Variants in ERBB4 observed in about 807,000 individuals in gnomAD.
ERBB4 encodes erb-b2 receptor tyrosine kinase 4.
A neutral mutation model predicts 158.0 loss-of-function variants in ERBB4; 42 were observed. That is an observed-to-expected ratio of 0.27 (90% CI 0.21 to 0.34). The LOEUF is 0.34. Ranked by LOEUF, ERBB4 falls within the 10% of genes least tolerant of loss-of-function variation. The pLI, the probability that ERBB4 is intolerant of heterozygous loss-of-function variation, is 1.00. For synonymous variants in ERBB4, 583 were observed against 558.7 expected (o/e 1.04, Z -0.61); for missense variants, 1,333 against 1,624.1 (o/e 0.82, Z 3.08).
At chr2:211,467,363 C>T (rs2064720303) in intron 20 of ERBB4, among the ~76,000 whole-genome samples, 1 of 152,098 alleles carries the variant, frequency 6.6e-6, no homozygotes, top group Non-Finnish European at 1.5e-5. Context: ...TTGTTGCAAC[C>T]TTTAGTCAGA....
At chr2:211,795,115 A>G (rs1304297866) in intron 3 of ERBB4, among the ~76,000 whole-genome samples, 1 of 151,914 alleles carries the variant, frequency 6.6e-6, no homozygotes, top group African/African-American at 2.4e-5. Flanking sequence ...TATTAAAGTC[A>G]TAATATATGC....
At chr2:211,945,199 C>A (rs1394192626) in intron 3 of ERBB4, among the ~76,000 whole-genome samples, 3 of 152,094 alleles carry the variant, frequency 2.0e-5, no homozygotes, top group African/African-American at 7.2e-5. Flanking sequence ...ATCCCATATT[C>A]TTCCATGTGA....
rs776016239 is a variant in ERBB4, at chr2:211,623,906, GTTGT to G, written c.2202+12_2202+15del. 32 of 1,613,314 alleles carry G rather than the reference GTTGT, an allele frequency of 2.0e-5. No homozygotes were observed. In the African/African-American group the frequency reaches 3.2e-4, roughly 16 times the overall value. On this transcript the variant is annotated intron_variant, in intron 18 of 27. Transcript: ENST00000342788. ...AAACAAAACTTAACTAACGATATGC[GTTGT>G]TTTTTACTTACTTTATAAACCGTTC...
At chr2:212,508,618 C>G (rs1691329389) in intron 1 of ERBB4, among the ~76,000 whole-genome samples, 1 of 151,922 alleles carries the variant, frequency 6.6e-6, no homozygotes, top group Admixed American at 6.6e-5. Flanking sequence ...GAACACAAGC[C>G]TACCTTAAAT....
intron 1 of ERBB4, among the ~76,000 whole-genome samples, chr2:212,191,723 AACAC>A (rs1434912638): frequency 2.0e-5 from 3 of 146,546 alleles, no homozygotes; most frequent in Admixed American, 6.8e-5. Flanking sequence ...TGTTACATAT[AACAC>A]GTGTTATACA....
intron 1 of ERBB4, among the ~76,000 whole-genome samples, chr2:212,246,691 C>T (rs2084322434): frequency 6.6e-6 from 1 of 152,072 alleles, no homozygotes; most frequent in Non-Finnish European, 1.5e-5. Flanking sequence ...AATATTCCAG[C>T]TCTGTCTTGA....
At chr2:211,697,536 A>C (rs2073069837) in intron 12 of ERBB4, among the ~76,000 whole-genome samples, 1 of 152,186 alleles carries the variant, frequency 6.6e-6, no homozygotes, top group Non-Finnish European at 1.5e-5. Flanking sequence ...AAAGAACAAA[A>C]TTTAATGAAT....
rs191782743 is a variant in ERBB4, at chr2:211,424,993, C to A, written c.2720-692G>T. 3.9e-5 allele frequency among the ~76,000 whole-genome samples: 6 copies of A among 152,198 alleles called. No individual in the cohort carries two copies. In the East Asian group the frequency reaches 9.6e-4, roughly 24 times the overall value. On this transcript the variant is annotated intron_variant, in intron 22 of 27. Coordinates refer to ENST00000342788, the MANE Select transcript of ERBB4 (RefSeq NM_005235.3). ...ATCACTGGGACATTGATTTTCTCTG[C>A]AAAAGCAAATACCCTAAATGGTAGC... is the stretch of plus-strand genomic sequence containing the variant.
chr2:212,460,259 T>A (rs1039645913), intron 1 of ERBB4, among the ~76,000 whole-genome samples: 4 of 152,124 alleles, frequency 2.6e-5, no homozygotes, highest in African/African-American at 7.2e-5. Context: ...TGAAAATGGA[T>A]GAATACAGCA....
At chr2:211,701,744 G>A (rs1055201210) in intron 12 of ERBB4, among the ~76,000 whole-genome samples, 11 of 112,684 alleles carry the variant, frequency 9.8e-5, no homozygotes, top group African/African-American at 2.8e-4. Context: ...GCAACAGAGC[G>A]AGACTCCGTC....
intron 2 of ERBB4, among the ~76,000 whole-genome samples, chr2:211,973,929 A>G (rs917130718): frequency 9.2e-5 from 14 of 152,240 alleles, no homozygotes; most frequent in Non-Finnish European, 1.8e-4. Flanking sequence ...TGTCCTTTAC[A>G]GGGACATGAA....
At chr2:211,391,254 A>G (rs2062792834) in intron 25 of ERBB4, among the ~76,000 whole-genome samples, 1 of 152,200 alleles carries the variant, frequency 6.6e-6, no homozygotes, top group South Asian at 2.1e-4. Flanking sequence ...TGACAGCTGC[A>G]AGTAAATTGG....
intron 3 of ERBB4, among the ~76,000 whole-genome samples, chr2:211,817,896 T>C (rs2076912414): frequency 6.6e-6 from 1 of 152,216 alleles, no homozygotes; most frequent in African/African-American, 2.4e-5. Context: ...ACCCCAACAT[T>C]GCAGAACTAT....
intron 1 of ERBB4, among the ~76,000 whole-genome samples, chr2:212,393,151 T>G (rs2090927925): frequency 6.6e-6 from 1 of 152,092 alleles, no homozygotes; most frequent in Non-Finnish European, 1.5e-5. Flanking sequence ...CAAATTATTC[T>G]GTCCCATGTG....
At chr2:211,828,460 G>C (rs529214699) in intron 3 of ERBB4, among the ~76,000 whole-genome samples, 22 of 152,054 alleles carry the variant, frequency 1.4e-4, no homozygotes, top group Admixed American at 1.4e-3. Context: ...CTGGGCCCTA[G>C]AATTCTTCTA....
At chr2:211,452,604 T>C (rs75758114) in intron 20 of ERBB4, among the ~76,000 whole-genome samples, 2,748 of 152,292 alleles carry the variant, frequency 0.018, 24 homozygotes, top group African/African-American at 0.028. Flanking sequence ...TAAAAAAAAT[T>C]AAAATAGCTC....
intron 22 of ERBB4, among the ~76,000 whole-genome samples, chr2:211,425,330 C>CTGA (rs1326721901): frequency 6.6e-6 from 1 of 151,856 alleles, no homozygotes; most frequent in Non-Finnish European, 1.5e-5. Flanking sequence ...TTATCATTGA[C>CTGA]TGATAACAAA....
chr2:212,069,638 T>C (rs969616979), intron 2 of ERBB4, among the ~76,000 whole-genome samples: 1 of 152,062 alleles, frequency 6.6e-6, no homozygotes, highest in Non-Finnish European at 1.5e-5. Context: ...AGTTTCTCTA[T>C]CTGTAGATGA....
chr2:212,475,900 C>G (rs1274597397), intron 1 of ERBB4, among the ~76,000 whole-genome samples: 1 of 152,110 alleles, frequency 6.6e-6, no homozygotes, highest in Non-Finnish European at 1.5e-5. Context: ...CAATCACTTT[C>G]ATCTCTGAAC....
Sources: allele counts gnomAD v4.1 joint callset (sites outside exome capture counted in the v4.1 genomes callset), GRCh38; gene constraint gnomAD v4.1.1; transcripts MANE v1.5; gene names NCBI Gene and HGNC (gene_info 2026-07-23, HGNC 2026-07-21).